Variants in PTPRK observed in about 807,000 individuals in gnomAD.
PTPRK encodes receptor-type tyrosine-protein phosphatase kappa.
In PTPRK, 75 loss-of-function variants were observed where a neutral mutation model predicts 178.0. The ratio of observed to expected loss-of-function variants is 0.42; its 90% CI spans 0.35 to 0.51. The LOEUF (loss-of-function observed/expected upper bound fraction) is 0.51, where lower values mean the gene tolerates loss of function less well. Among genes scored for constraint, PTPRK ranks in the 20% least tolerant of loss-of-function variants. The pLI, the probability that PTPRK is intolerant of heterozygous loss-of-function variation, is 0.02. For missense variants in PTPRK, 1,441 were observed against 1,797.8 expected (o/e 0.80, Z 3.59); for synonymous variants, 637 against 620.6 (o/e 1.03, Z -0.39).
intron 13 of PTPRK, among the ~76,000 whole-genome samples, chr6:128,034,655 T>C (rs551491062): frequency 6.6e-6 from 1 of 152,300 alleles, no homozygotes; most frequent in Non-Finnish European, 1.5e-5. Context: ...TAAAGTTTTA[T>C]AATTTACAAC....
intron 1 of PTPRK, among the ~76,000 whole-genome samples, chr6:128,478,735 T>C (rs1851680482): frequency 6.6e-6 from 1 of 152,100 alleles, no homozygotes. Context: ...AAAAGCAGTA[T>C]TATGGATACA....
intron 13 of PTPRK, among the ~76,000 whole-genome samples, chr6:128,023,498 C>T (rs1430156575): frequency 6.6e-6 from 1 of 152,118 alleles, no homozygotes; most frequent in Non-Finnish European, 1.5e-5. Flanking sequence ...TTTATGTTCA[C>T]CACTGAATTT....
intron 10 of PTPRK, 131 bp downstream of exon 10, chr6:128,082,305 AT>A: frequency 1.3e-6 from 1 of 773,398 alleles, no homozygotes; most frequent in South Asian, 1.8e-5. Context: ...AAGTGCTTTC[AT>A]TTATGCATAA....
At position 128,005,111 on chromosome 6, in the gene PTPRK, T is replaced by C; in HGVS notation, c.2467A>G (p.Met823Val). The C allele has an allele frequency of 1.2e-6, 2 of 1,610,138 alleles. No individual in the cohort carries two copies. Among genetic ancestry groups the C allele is most frequent in the Non-Finnish European group, 1.7e-6 (2 of 1,177,616 alleles). ...HAEDPLSITF[M>V]DQHNFSPRYE... is the part of the protein sequence containing the mutation. ...CTTGGACTAAAGTTATGTTGGTCCA[T>C]GAAGGTGATGGAAAGAGGATCTTCT... Residue 823 changes from methionine to valine, a missense_variant, in exon 15 of 30, where the codon ATG becomes GTG. By Grantham distance (21) the Met-to-Val change is conservative. Around this residue, in one of 4 missense-constraint regions of PTPRK, gnomAD observed 945 missense variants for 1,080.6 expected, o/e 0.87. Coordinates refer to ENST00000368226, the MANE Select transcript of PTPRK (RefSeq NM_002844.4).
At chr6:128,060,215 T>C (rs574368020) in intron 13 of PTPRK, among the ~76,000 whole-genome samples, 1 of 152,316 alleles carries the variant, frequency 6.6e-6, no homozygotes, top group Non-Finnish European at 1.5e-5. Context: ...GAAAATTGTA[T>C]GTGTTACTCC....
At chr6:128,348,778 A>G (rs1205896791) in intron 2 of PTPRK, among the ~76,000 whole-genome samples, 7 of 152,070 alleles carry the variant, frequency 4.6e-5, no homozygotes. Flanking sequence ...TGAAAGCTCT[A>G]TAACAATTTG....
chr6:128,433,168 C>A (rs1258007018), intron 1 of PTPRK, among the ~76,000 whole-genome samples: 1 of 152,156 alleles, frequency 6.6e-6, no homozygotes, highest in Non-Finnish European at 1.5e-5. Context: ...ATATTGTTAA[C>A]TATAGTCACC....
chr6:128,175,851 A>G (rs904313631), intron 7 of PTPRK, among the ~76,000 whole-genome samples: 2 of 151,868 alleles, frequency 1.3e-5, no homozygotes, highest in Non-Finnish European at 2.9e-5. Context: ...AAAGAAATCA[A>G]GCTTAAGGAT....
intron 2 of PTPRK, among the ~76,000 whole-genome samples, chr6:128,378,573 T>G (rs969969633): frequency 2.0e-5 from 3 of 152,016 alleles, no homozygotes; most frequent in Non-Finnish European, 4.4e-5. Context: ...TGAAAAAAAT[T>G]TCCACTGAAA....
At chr6:128,428,298 C>T (rs910883714) in intron 1 of PTPRK, among the ~76,000 whole-genome samples, 6 of 152,170 alleles carry the variant, frequency 3.9e-5, no homozygotes, top group African/African-American at 7.2e-5. Context: ...CGCTAAGCAT[C>T]GTACTCCAGC....
At chr6:128,262,711 A>G (rs766545334) in intron 3 of PTPRK, among the ~76,000 whole-genome samples, 1 of 152,118 alleles carries the variant, frequency 6.6e-6, no homozygotes, top group African/African-American at 2.4e-5. Flanking sequence ...TTTCTGTTTA[A>G]TGTGATGCAT....
At chr6:128,124,902 C>A (rs769725369) in intron 7 of PTPRK, among the ~76,000 whole-genome samples, 1 of 152,148 alleles carries the variant, frequency 6.6e-6, no homozygotes, top group Non-Finnish European at 1.5e-5. Context: ...AGCCTGCTGC[C>A]CTTTGAACTG....
At chr6:128,309,751 G>C (rs2128315558) in intron 3 of PTPRK, among the ~76,000 whole-genome samples, 1 of 151,336 alleles carries the variant, frequency 6.6e-6, no homozygotes, top group South Asian at 2.1e-4. Context: ...CATTCCCTCT[G>C]AATTAAGATA....
intron 1 of PTPRK, among the ~76,000 whole-genome samples, chr6:128,427,005 C>T (rs562955203): frequency 3.4e-4 from 51 of 152,148 alleles, no homozygotes; most frequent in Non-Finnish European, 4.3e-4. Context: ...AAACATAACA[C>T]ATGAATAAGT....
intron 1 of PTPRK, among the ~76,000 whole-genome samples, chr6:128,434,653 G>A (rs1845273650): frequency 6.6e-6 from 1 of 152,098 alleles, no homozygotes; most frequent in African/African-American, 2.4e-5. Flanking sequence ...AAAAAACTAA[G>A]CATCAAAATT....
intron 7 of PTPRK, among the ~76,000 whole-genome samples, chr6:128,100,602 G>A (rs187626889): frequency 6.6e-6 from 1 of 151,952 alleles, no homozygotes; most frequent in East Asian, 1.9e-4. Flanking sequence ...TTGAACATTA[G>A]TTGATCTTTG....
At chr6:128,093,610 A>AAC (rs1562571043) in intron 7 of PTPRK, among the ~76,000 whole-genome samples, 1 of 148,318 alleles carries the variant, frequency 6.7e-6, no homozygotes, top group East Asian at 1.9e-4. Context: ...AAAAAAAAAA[A>AAC]AAAAAAAAAA....
chr6:128,507,627 A>C (rs1270683360), intron 1 of PTPRK, among the ~76,000 whole-genome samples: 1 of 152,162 alleles, frequency 6.6e-6, no homozygotes, highest in African/African-American at 2.4e-5. Context: ...GGGCTACAGA[A>C]GCAATAGCAG....
At chr6:128,402,110 A>G (rs943960333) in intron 1 of PTPRK, among the ~76,000 whole-genome samples, 17 of 152,366 alleles carry the variant, frequency 1.1e-4, no homozygotes, top group African/African-American at 4.1e-4. Context: ...ATTACAAAAA[A>G]GCCAATATAT....
Sources: allele counts gnomAD v4.1 joint callset (sites outside exome capture counted in the v4.1 genomes callset), GRCh38; gene constraint gnomAD v4.1.1; regional missense constraint gnomAD v4.1.1; transcripts MANE v1.5; gene names NCBI Gene and HGNC (gene_info 2026-07-23, HGNC 2026-07-21).